FBXL2: variants seen among roughly 807,000 people sequenced by gnomAD.
FBXL2 encodes F-box and leucine rich repeat protein 2.
In FBXL2, 38 loss-of-function variants were observed where a neutral mutation model predicts 69.2. That is an observed-to-expected ratio of 0.55 (90% CI 0.42 to 0.72). The LOEUF is 0.72. Among genes scored for constraint, FBXL2 ranks in the 30% least tolerant of loss-of-function variants. FBXL2 has a pLI of 0.00. For synonymous variants in FBXL2, 192 were observed against 201.3 expected (o/e 0.95, Z 0.39); for missense variants, 354 against 520.3 (o/e 0.68, Z 3.11).
downstream of FBXL2, chr3:33,390,387 C>G (rs748665509): frequency 6.4e-7 from 1 of 1,568,028 alleles, no homozygotes; most frequent in Admixed American, 1.9e-5. Flanking sequence ...AAAGGAAAGA[C>G]AGTATTTCTT....
In FBXL2 at chr3:33,310,913, T is replaced by TGGG. The variant is rs759480031; in HGVS notation, c.65+13188_65+13189insGGG. The stretch of plus-strand genomic sequence containing the variant: ...CCGCAGCCTCTTGAGTAGCTGGGAT[T>TGGG]ACAGGTGCACACCACCACTCCTGGC... On this transcript the variant is annotated intron_variant, in intron 2 of 14. Coordinates refer to ENST00000484457, the MANE Select transcript of FBXL2 (RefSeq NM_012157.5). 2.0e-5 allele frequency among the ~76,000 whole-genome samples: 3 copies of TGGG among 152,106 alleles called. No individual in the cohort carries two copies. In the South Asian group the frequency reaches 6.2e-4, roughly 32 times the overall value.
At chr3:33,288,818 A>G (rs2034926040) in intron 1 of FBXL2, among the ~76,000 whole-genome samples, 1 of 152,160 alleles carries the variant, frequency 6.6e-6, no homozygotes, top group African/African-American at 2.4e-5. Flanking sequence ...GGTGGGGTTT[A>G]TGTAGAGAAG....
the FBXL2 span, chr3:33,412,634 C>T: frequency 4.6e-6 from 4 of 863,190 alleles, no homozygotes; most frequent in Non-Finnish European, 7.6e-6. Flanking sequence ...TTTCCCCACA[C>T]AAGTAATTCA....
At chr3:33,378,019 C>T in intron 11 of FBXL2, 84 bp from the exon 12 acceptor site, 3 of 1,290,098 alleles carry the variant, frequency 2.3e-6, no homozygotes, top group Non-Finnish European at 3.4e-6. Context: ...GACACTGGGC[C>T]AATACTCAGA....
intron 2 of FBXL2, among the ~76,000 whole-genome samples, chr3:33,354,777 T>C (rs1286494602): frequency 1.3e-5 from 2 of 152,002 alleles, no homozygotes; most frequent in Non-Finnish European, 2.9e-5. Flanking sequence ...GCAAAAGAAA[T>C]AGAAAGTATA....
chr3:33,384,905 GTAATCCCAGCT>G (rs1575426583), intron 14 of FBXL2, among the ~76,000 whole-genome samples: 1 of 152,144 alleles, frequency 6.6e-6, no homozygotes, highest in East Asian at 1.9e-4. Context: ...CTGCGTGCCT[GTAATCCCAGCT>G]AATTGGGAGG....
intron 1 of FBXL2, 42 bp from the exon 2 acceptor site, chr3:33,297,622 T>G (rs757819408): frequency 7.9e-6 from 10 of 1,269,758 alleles, no homozygotes. Context: ...CCACATTGAT[T>G]AAAGAACATT....
chr3:33,352,773 G>T (rs2040913164), intron 2 of FBXL2, among the ~76,000 whole-genome samples: 1 of 152,148 alleles, frequency 6.6e-6, no homozygotes, highest in South Asian at 2.1e-4. Context: ...ATGTGTGTCT[G>T]TAATCCCAGC....
chr3:33,417,018 A>G, the FBXL2 span, among the ~76,000 whole-genome samples: 1 of 152,200 alleles, frequency 6.6e-6, no homozygotes, highest in Non-Finnish European at 1.5e-5. Context: ...CTGTTCTAAC[A>G]TTATTACAGG....
the FBXL2 span, among the ~76,000 whole-genome samples, chr3:33,420,875 G>A: frequency 2.0e-5 from 3 of 152,010 alleles, no homozygotes; most frequent in East Asian, 1.9e-4. Context: ...CACCCTCTTC[G>A]GCCTCCCAAA....
chr3:33,358,902 C>A, intron 2 of FBXL2, 65 bp from the exon 3 acceptor site: 3 of 1,053,646 alleles, frequency 2.8e-6, no homozygotes, highest in Non-Finnish European at 4.1e-6. Flanking sequence ...GTTTATCTTT[C>A]AAGTTATAAT....
chr3:33,316,119 C>T (rs1488830035), intron 2 of FBXL2, among the ~76,000 whole-genome samples: 1 of 150,882 alleles, frequency 6.6e-6, no homozygotes, highest in Non-Finnish European at 1.5e-5. Flanking sequence ...AGTGTAGTGA[C>T]GTGATCTCAG....
At chr3:33,288,697 G>A (rs538902102) in intron 1 of FBXL2, among the ~76,000 whole-genome samples, 15 of 152,288 alleles carry the variant, frequency 9.8e-5, no homozygotes, top group Admixed American at 2.6e-4. Flanking sequence ...TAGTAAGAGA[G>A]GGTAGTGTGG....
chr3:33,409,972 T>C, the FBXL2 span, among the ~76,000 whole-genome samples: 2 of 152,186 alleles, frequency 1.3e-5, 1 homozygote. Flanking sequence ...TCCACAGCAA[T>C]CTTCACTTCA....
chr3:33,297,333 C>T (rs566932903), intron 1 of FBXL2, among the ~76,000 whole-genome samples: 1 of 152,104 alleles, frequency 6.6e-6, no homozygotes, highest in African/African-American at 2.4e-5. Flanking sequence ...TTTCTATATG[C>T]AAGATCATGT....
chr3:33,294,916 A>G (rs1025771923), intron 1 of FBXL2, among the ~76,000 whole-genome samples: 3 of 152,000 alleles, frequency 2.0e-5, no homozygotes, highest in Non-Finnish European at 4.4e-5. Flanking sequence ...TAATTTAGCT[A>G]TTTAACATAG....
intron 1 of FBXL2, among the ~76,000 whole-genome samples, chr3:33,279,434 C>A (rs9872843): frequency 6.6e-6 from 1 of 152,118 alleles, no homozygotes; most frequent in Admixed American, 6.5e-5. Context: ...CCACGCCCAG[C>A]TAATTTTTGT....
At chr3:33,357,803 A>G (rs1243275786) in intron 2 of FBXL2, among the ~76,000 whole-genome samples, 1 of 152,130 alleles carries the variant, frequency 6.6e-6, no homozygotes, top group Non-Finnish European at 1.5e-5. Context: ...TGCTGGGATT[A>G]CAGGCGTGAG....
At chr3:33,345,213 CT>C (rs936795925) in intron 2 of FBXL2, among the ~76,000 whole-genome samples, 2 of 152,112 alleles carry the variant, frequency 1.3e-5, no homozygotes, top group African/African-American at 4.8e-5. Context: ...AGAATCCATT[CT>C]TTTTTTGGCT....
Sources: gnomAD v4.1 joint callset for allele counts (sites outside exome capture counted in the v4.1 genomes callset) on GRCh38, gnomAD v4.1.1 for gene constraint, MANE v1.5 for transcripts, NCBI Gene and HGNC (gene_info 2026-07-23, HGNC 2026-07-21) for gene names.